The following ZSWIM5 variants were observed in gnomAD, a reference collection of about 807,000 sequenced individuals.
ZSWIM5 encodes zinc finger SWIM-type containing 5.
A neutral mutation model predicts 119.6 loss-of-function variants in ZSWIM5; 55 were observed. That is an observed-to-expected ratio of 0.46 (90% CI 0.37 to 0.58). ZSWIM5 has a LOEUF of 0.58. Among genes scored for constraint, ZSWIM5 ranks in the 20% least tolerant of loss-of-function variants. The probability of loss-of-function intolerance (pLI) is 0.00; values close to 1 mark genes in which losing one functional copy is unlikely to be tolerated. For missense variants in ZSWIM5, 1,193 were observed against 1,512.8 expected, an observed-to-expected ratio of 0.79 and a Z score of 3.51; for synonymous variants, 537 against 606.9, an observed-to-expected ratio of 0.88 and a Z score of 1.69.
At position 45,019,193 on chromosome 1, in the gene ZSWIM5, T is replaced by C. The variant is rs879135251; in HGVS notation, c.2819A>G (p.Tyr940Cys). The C allele has an allele frequency of 1.2e-6, 2 of 1,613,628 alleles. No individual in the cohort carries two copies. Among genetic ancestry groups the C allele is most frequent in the South Asian group, 2.2e-5 (2 of 91,054 alleles). Residue 940 changes from tyrosine to cysteine, a missense_variant, in exon 14 of 14, where the codon TAT (tyrosine) becomes TGT (cysteine). Coordinates refer to ENST00000359600, the MANE Select transcript of ZSWIM5 (RefSeq NM_020883.2). This position sits in a 1 kb window ranked among gnomAD's most constrained non-coding sequence, Gnocchi z 5.0. ...HTTILRLSLDYPQREELASCA... is the reference protein window; with the variant it reads ...HTTILRLSLDCPQREELASCA... ...GCTAGCCAGTTCCTCCCGCTGTGGATAGTCAAGACTGAGGCGCAGGATAGT... is the reference window on the plus strand; with the variant it reads ...GCTAGCCAGTTCCTCCCGCTGTGGACAGTCAAGACTGAGGCGCAGGATAGT...
intron 1 of ZSWIM5, among the ~76,000 whole-genome samples, chr1:45,141,935 T>G (rs978620303): frequency 2.2e-4 from 34 of 152,182 alleles, no homozygotes; most frequent in African/African-American, 8.2e-4. Context: ...CATTGTTTTT[T>G]GTGTGTTCAA....
chr1:45,061,315 C>G (rs1645150659), intron 2 of ZSWIM5, among the ~76,000 whole-genome samples: 1 of 151,408 alleles, frequency 6.6e-6, no homozygotes, highest in Non-Finnish European at 1.5e-5. Context: ...AAAATTTTAA[C>G]TGACAAATAA....
chr1:45,168,547 C>G (rs537299750), intron 1 of ZSWIM5, among the ~76,000 whole-genome samples: 1 of 150,158 alleles, frequency 6.7e-6, no homozygotes, highest in Non-Finnish European at 1.5e-5. Context: ...TGCCTGTAAT[C>G]CCAGCTACTC....
intron 1 of ZSWIM5, among the ~76,000 whole-genome samples, chr1:45,150,962 A>C (rs1234480443): frequency 6.6e-6 from 1 of 152,154 alleles, no homozygotes; most frequent in Non-Finnish European, 1.5e-5. Flanking sequence ...ATGACTCCTG[A>C]TCTTCCCCTT....
Position 45,019,259 on chromosome 1 carries a change from T to C in ZSWIM5, c.2753A>G (p.Glu918Gly). ...TGTGGCAGCTACAATACTAGTAGCC[T>C]CAGTAGGGGTGAAGAGTGTGTACCA... ...QSWYTLFTPT[E>G]ATSIVAATAV... is the part of the protein sequence containing the mutation. The change falls in exon 14 of 14, where the codon GAG (glutamate) becomes GGG (glycine). Residue 918 changes from glutamate to glycine, a missense_variant. This residue lies in a region of ZSWIM5 where 961 missense variants were observed against 1,290.0 expected (regional missense o/e 0.74). Coordinates refer to ENST00000359600, the MANE Select transcript of ZSWIM5 (RefSeq NM_020883.2). This position sits in a 1 kb window ranked among gnomAD's most constrained non-coding sequence, Gnocchi z 5.0. 1 of 1,613,738 alleles carries C rather than the reference T, an allele frequency of 6.2e-7. No individual in the cohort carries two copies. Among genetic ancestry groups the C allele is most frequent in the Non-Finnish European group, 8.5e-7 (1 of 1,180,006 alleles).
At chr1:45,048,230 G>C (rs1264986637) in intron 5 of ZSWIM5, among the ~76,000 whole-genome samples, 1 of 151,672 alleles carries the variant, frequency 6.6e-6, no homozygotes, top group East Asian at 1.9e-4. Flanking sequence ...TGTAGAGACA[G>C]GATTTCACCA....
chr1:45,039,704 T>A (rs1001721500), intron 7 of ZSWIM5, among the ~76,000 whole-genome samples: 7 of 151,376 alleles, frequency 4.6e-5, no homozygotes, highest in Non-Finnish European at 8.8e-5. Context: ...TAATTTAATT[T>A]AATTAATTAT....
At chr1:45,130,559 A>T (rs1277047461) in intron 1 of ZSWIM5, among the ~76,000 whole-genome samples, 1 of 152,184 alleles carries the variant, frequency 6.6e-6, no homozygotes, top group African/African-American at 2.4e-5. Context: ...CACCTATCAG[A>T]ATGGCTAAAA....
chr1:45,096,451 T>C (rs1051438981), intron 1 of ZSWIM5, among the ~76,000 whole-genome samples: 2 of 151,290 alleles, frequency 1.3e-5, no homozygotes, highest in Non-Finnish European at 2.9e-5. Context: ...TGTGTGTGTG[T>C]GTGTGTGTGT....
intron 2 of ZSWIM5, among the ~76,000 whole-genome samples, chr1:45,082,637 G>C (rs1016837854): frequency 6.6e-6 from 1 of 152,206 alleles, no homozygotes; most frequent in African/African-American, 2.4e-5. Context: ...TCAGGAAAGA[G>C]CCTGTAGAAT....
intron 1 of ZSWIM5, among the ~76,000 whole-genome samples, chr1:45,188,469 A>T (rs1258555333): frequency 6.6e-6 from 1 of 152,196 alleles, no homozygotes; most frequent in African/African-American, 2.4e-5. Flanking sequence ...CAGCTAAAGG[A>T]TGCAAGGTTC....
intron 1 of ZSWIM5, among the ~76,000 whole-genome samples, chr1:45,106,708 G>A (rs1269422044): frequency 6.6e-6 from 1 of 152,230 alleles, no homozygotes; most frequent in Non-Finnish European, 1.5e-5. Flanking sequence ...GTATCCAACA[G>A]CTCCAAAGAG....
At position 45,181,030 on chromosome 1, in the gene ZSWIM5, T is replaced by C. The variant is rs549784400; in HGVS notation, c.595+24726A>G. On this transcript the variant is annotated intron_variant, in intron 1 of 13. Transcript: ENST00000359600. The stretch of plus-strand genomic sequence containing the variant: ...GAAACTCTAAAAAGCAGAGCGCCTC[T>C]CCTCCTCCAAAGGAACACAGCTCCT... 1.4e-4 allele frequency among the ~76,000 whole-genome samples: 22 copies of C among 152,100 alleles called. No individual in the cohort carries two copies. In the South Asian group the frequency reaches 4.1e-3, roughly 29 times the overall value.
intron 11 of ZSWIM5, among the ~76,000 whole-genome samples, chr1:45,023,955 T>C (rs757114922): frequency 3.3e-5 from 5 of 152,230 alleles, no homozygotes; most frequent in African/African-American, 4.8e-5. Context: ...AATTCCCTAA[T>C]GACATATAAG....
At chr1:45,048,468 G>C (rs1323890497) in intron 5 of ZSWIM5, among the ~76,000 whole-genome samples, 1 of 152,142 alleles carries the variant, frequency 6.6e-6, no homozygotes, top group Non-Finnish European at 1.5e-5. Flanking sequence ...GTATGCAAAG[G>C]AGTGATTGTA....
intron 1 of ZSWIM5, among the ~76,000 whole-genome samples, chr1:45,159,049 T>C (rs1645847689): frequency 6.6e-6 from 1 of 152,216 alleles, no homozygotes; most frequent in Non-Finnish European, 1.5e-5. Flanking sequence ...ACAACTGTAC[T>C]GAATCCTATC....
intron 1 of ZSWIM5, among the ~76,000 whole-genome samples, chr1:45,195,658 T>TA (rs2149055100): frequency 6.6e-6 from 1 of 152,290 alleles, no homozygotes; most frequent in East Asian, 1.9e-4. Flanking sequence ...TACTTTGGAA[T>TA]AAGGCCTCTC....
In ZSWIM5 at chr1:45,201,751, T is replaced by C. The variant is rs1245523071; in HGVS notation, c.595+4005A>G. Among the ~76,000 whole-genome samples the C allele has an allele frequency of 1.6e-4, 25 of 152,314 alleles. No homozygotes were observed. In the South Asian group the frequency reaches 4.3e-3, roughly 26 times the overall value. On this transcript the variant is annotated intron_variant, in intron 1 of 13. Transcript: ENST00000359600. ...CATTTAAAGCTTTCATTTGAAGAAA[T>C]TGATAAATCACCATTCGTCACACAA...
chr1:45,058,190 T>C (rs1404804621), intron 4 of ZSWIM5, among the ~76,000 whole-genome samples: 2 of 152,090 alleles, frequency 1.3e-5, no homozygotes, highest in Non-Finnish European at 2.9e-5. Flanking sequence ...GGGAATATAA[T>C]GAAGGAAGAA....
Sources: gnomAD v4.1 joint callset for allele counts (sites outside exome capture counted in the v4.1 genomes callset) on GRCh38, gnomAD v4.1.1 for gene constraint, gnomAD v4.1.1 regional missense constraint, Gnocchi (gnomAD v3.1) non-coding constraint, MANE v1.5 for transcripts, NCBI Gene and HGNC (gene_info 2026-07-23, HGNC 2026-07-21) for gene names.